BICD1: variants seen among roughly 807,000 people sequenced by gnomAD.
BICD1 encodes the protein protein bicaudal D homolog 1.
In BICD1, 35 loss-of-function variants were observed where a neutral mutation model predicts 92.5. The observed-to-expected ratio is 0.38, with a 90% CI of 0.29 to 0.50. The LOEUF is 0.50. BICD1 is among the 20% of genes least tolerant of loss of function. The probability of loss-of-function intolerance (pLI) is 0.93; values close to 1 mark genes in which losing one functional copy is unlikely to be tolerated. For missense variants in BICD1, 950 were observed against 1,189.8 expected (o/e 0.80, Z 2.97); for synonymous variants, 429 against 465.1 (o/e 0.92, Z 1.00).
chr12:32,268,247 TTG>T (rs1439155751), intron 2 of BICD1, among the ~76,000 whole-genome samples: 2 of 152,170 alleles, frequency 1.3e-5, no homozygotes, highest in African/African-American at 2.4e-5. Flanking sequence ...TCAACAGAAG[TTG>T]TTTTTCTTCC....
intron 1 of BICD1, chr12:32,107,883 A>G: frequency 1.7e-6 from 1 of 600,684 alleles, no homozygotes; most frequent in South Asian, 1.9e-5. Flanking sequence ...CTGTTATCTC[A>G]AACCCAGGTT....
At chr12:32,275,643 C>T (rs1278571465) in intron 2 of BICD1, among the ~76,000 whole-genome samples, 3 of 152,102 alleles carry the variant, frequency 2.0e-5, no homozygotes, top group Non-Finnish European at 4.4e-5. Flanking sequence ...TTTCGCTTGC[C>T]GTCCACCACT....
chr12:32,201,972 G>T (rs1224044898), intron 1 of BICD1, among the ~76,000 whole-genome samples: 1 of 152,138 alleles, frequency 6.6e-6, no homozygotes, highest in Admixed American at 6.6e-5. Flanking sequence ...GTATTTGGTT[G>T]GTGGCTTTAG....
At chr12:32,287,198 G>A (rs1466678555) in intron 2 of BICD1, among the ~76,000 whole-genome samples, 1 of 152,134 alleles carries the variant, frequency 6.6e-6, no homozygotes, top group East Asian at 1.9e-4. Context: ...ACTCAACTCA[G>A]ACTGAAATTT....
At chr12:32,252,809 G>T (rs1946602751) in intron 2 of BICD1, among the ~76,000 whole-genome samples, 1 of 152,170 alleles carries the variant, frequency 6.6e-6, no homozygotes, top group Non-Finnish European at 1.5e-5. Context: ...CCTATAGGAT[G>T]CTACACAGTT....
At chr12:32,234,246 T>C (rs1470569925) in intron 2 of BICD1, among the ~76,000 whole-genome samples, 1 of 152,232 alleles carries the variant, frequency 6.6e-6, no homozygotes, top group African/African-American at 2.4e-5. Context: ...ACATTAAAAG[T>C]ACTTTTTTAG....
intron 1 of BICD1, among the ~76,000 whole-genome samples, chr12:32,210,808 A>G (rs1008438109): frequency 2.6e-5 from 4 of 152,248 alleles, no homozygotes; most frequent in Admixed American, 2.6e-4. Flanking sequence ...CGACTACCCT[A>G]TATCTCCTAT....
intron 1 of BICD1, among the ~76,000 whole-genome samples, chr12:32,148,491 T>C (rs1164326036): frequency 1.3e-5 from 2 of 152,210 alleles, no homozygotes; most frequent in Non-Finnish European, 2.9e-5. Flanking sequence ...CAGTCTCCTG[T>C]GGGTTTAATT....
chr12:32,148,440 A>G (rs992314642), intron 1 of BICD1, among the ~76,000 whole-genome samples: 1 of 152,170 alleles, frequency 6.6e-6, no homozygotes, highest in African/African-American at 2.4e-5. Flanking sequence ...CAGTTATACA[A>G]TTCTTATTGT....
At chr12:32,289,393 GTGTT>G (rs529635946) in intron 2 of BICD1, among the ~76,000 whole-genome samples, 184 of 152,232 alleles carry the variant, frequency 1.2e-3, no homozygotes, top group African/African-American at 4.0e-3. Context: ...GTTTGTTTGT[GTGTT>G]TGTTTGTTTA....
intron 4 of BICD1, among the ~76,000 whole-genome samples, chr12:32,325,881 G>C (rs1380329187): frequency 6.6e-6 from 1 of 151,720 alleles, no homozygotes; most frequent in Admixed American, 6.6e-5. Flanking sequence ...AGGAGATCGA[G>C]ACTATCCTGG....
intron 1 of BICD1, among the ~76,000 whole-genome samples, chr12:32,180,361 C>A (rs1352365760): frequency 6.6e-6 from 1 of 151,766 alleles, no homozygotes; most frequent in African/African-American, 2.4e-5. Context: ...ACTTAAACTT[C>A]CATCAAAAGG....
chr12:32,226,628 G>A (rs1057150619), intron 2 of BICD1, among the ~76,000 whole-genome samples: 10 of 152,172 alleles, frequency 6.6e-5, no homozygotes, highest in Non-Finnish European at 1.3e-4. Context: ...CAGGCCATGG[G>A]CATCCCACAG....
chr12:32,226,399 G>T (rs1023465178), intron 2 of BICD1, among the ~76,000 whole-genome samples: 2 of 152,208 alleles, frequency 1.3e-5, no homozygotes, highest in African/African-American at 4.8e-5. Flanking sequence ...CTCCCAAAGT[G>T]CTTGGATTAC....
At chr12:32,196,891 A>C (rs1307887274) in intron 1 of BICD1, among the ~76,000 whole-genome samples, 1 of 152,226 alleles carries the variant, frequency 6.6e-6, no homozygotes, top group Non-Finnish European at 1.5e-5. Context: ...TACGCCTTGA[A>C]TATGTACAAC....
At chr12:32,148,065 C>CTGGG (rs1340255618) in intron 1 of BICD1, among the ~76,000 whole-genome samples, 1 of 142,336 alleles carries the variant, frequency 7.0e-6, no homozygotes, top group Admixed American at 7.7e-5. Flanking sequence ...TCACTTGAGT[C>CTGGG]TGGGAGGTTG....
In BICD1 at chr12:32,378,536, T is replaced by A. The variant is rs1940069040; in HGVS notation, c.*909T>A. The A allele has an allele frequency of 6.6e-6, 1 of 152,144 alleles. No individual in the cohort carries two copies. The highest frequency in any genetic ancestry group is 6.5e-5 in the Admixed American group (1 of 15,274). The allele number at this position is 152,144 out of a possible 1,614,324, so 9.4% of individuals were successfully genotyped here. A position where few individuals can be genotyped will look rare whatever the true frequency, so the allele number is the denominator to read the frequency against. On this transcript the variant is annotated 3_prime_UTR_variant, in exon 10 of 10. Coordinates refer to ENST00000652176, the MANE Select transcript of BICD1 (RefSeq NM_001714.4). ...GCTCAATAACTTGAAGGGAAAAAAA[T>A]GGTGTGTTTATTTAATGACCAGAAT...
chr12:32,286,762 T>G (rs1442179291), intron 2 of BICD1, among the ~76,000 whole-genome samples: 2 of 152,190 alleles, frequency 1.3e-5, no homozygotes, highest in African/African-American at 4.8e-5. Context: ...TATACCTGTT[T>G]TATTATTCAT....
rs1160433969 is a variant in BICD1, at chr12:32,380,587, TAAG to T, written c.*2967_*2969del. ...CTGAGGATTTTCCTTAATCAAAAAA[TAAG>T]AAGAAGCAATAAATTGTCTTTGGCC... On this transcript the variant is annotated 3_prime_UTR_variant, in exon 10 of 10. Coordinates refer to ENST00000652176, the MANE Select transcript of BICD1 (RefSeq NM_001714.4). 3.9e-5 allele frequency: 6 copies of T among 152,040 alleles called. No homozygotes were observed. Among genetic ancestry groups the T allele is most frequent in the Non-Finnish European group, 5.9e-5 (4 of 67,944 alleles). 9.4% of individuals were successfully genotyped at this position (152,040 alleles called of 1,614,324 possible).
Sources: allele counts gnomAD v4.1 joint callset (sites outside exome capture counted in the v4.1 genomes callset), GRCh38; gene constraint gnomAD v4.1.1; transcripts MANE v1.5; gene names NCBI Gene and HGNC (gene_info 2026-07-23, HGNC 2026-07-21).